Variants in SORCS3 observed in about 807,000 individuals in gnomAD.
SORCS3 encodes VPS10 domain-containing receptor SorCS3.
A neutral mutation model predicts 146.3 loss-of-function variants in SORCS3; 57 were observed. That is an observed-to-expected ratio of 0.39 (90% CI 0.31 to 0.49). The LOEUF is 0.49. SORCS3 is among the 20% of genes least tolerant of loss of function. The pLI is 0.92. For missense variants in SORCS3, 1,341 were observed against 1,575.5 expected (o/e 0.85, Z 2.52); for synonymous variants, 653 against 618.5 (o/e 1.06, Z -0.83).
chr10:104,974,316 T>A (rs1221526360), intron 3 of SORCS3, among the ~76,000 whole-genome samples: 18 of 152,236 alleles, frequency 1.2e-4, no homozygotes, highest in Admixed American at 4.6e-4. Flanking sequence ...CCCATTATTA[T>A]TGTGTGGGAG....
chr10:104,693,506 G>A (rs1449235904), intron 1 of SORCS3, among the ~76,000 whole-genome samples: 1 of 152,136 alleles, frequency 6.6e-6, no homozygotes, highest in East Asian at 1.9e-4. Flanking sequence ...CTTTCATTCT[G>A]ACTTTTCCTG....
chr10:104,802,059 G>A (rs988320552), intron 1 of SORCS3, among the ~76,000 whole-genome samples: 34 of 152,084 alleles, frequency 2.2e-4, no homozygotes, highest in African/African-American at 7.7e-4. Flanking sequence ...ATTTTGGTGA[G>A]TCATTCTTCT....
At chr10:104,731,339 G>A (rs189921355) in intron 1 of SORCS3, among the ~76,000 whole-genome samples, 84 of 152,286 alleles carry the variant, frequency 5.5e-4, no homozygotes, top group Admixed American at 2.4e-3. Flanking sequence ...ATCCCAGCCC[G>A]AGGCAGAGAT....
chr10:105,262,684 A>C (rs2056969368), intron 26 of SORCS3, among the ~76,000 whole-genome samples, 193 bp downstream of exon 26: 1 of 152,218 alleles, frequency 6.6e-6, no homozygotes, highest in African/African-American at 2.4e-5. Flanking sequence ...CTTAGAAGTT[A>C]ATCAGGATTG....
chr10:104,870,808 C>A (rs1001736605), intron 2 of SORCS3, among the ~76,000 whole-genome samples: 4 of 152,346 alleles, frequency 2.6e-5, no homozygotes, highest in Middle Eastern at 3.4e-3. Flanking sequence ...TCTTATCCTA[C>A]TACCTGACTT....
chr10:104,728,021 TTCTATCTATCTATCTATCTATCTA>T (rs56299885), intron 1 of SORCS3, among the ~76,000 whole-genome samples: 7 of 146,598 alleles, frequency 4.8e-5, no homozygotes, highest in Non-Finnish European at 7.5e-5. Flanking sequence ...TATATAACAG[TTCTATCTATCTATCTATCTATCTA>T]TCTATCTATC....
In SORCS3 at chr10:105,110,210, TA is replaced by T. The variant is rs1231632909; in HGVS notation, c.1212+4696del. 2.3e-3 allele frequency among the ~76,000 whole-genome samples: 344 copies of T among 152,162 alleles called. 1 individual carries two copies. The highest frequency in any genetic ancestry group is 7.7e-3 in the African/African-American group (322 of 41,556). ...ACTTCTTTTCTGAGCTTTGCCAGTT[TA>T]TATTGTGTCTCTTTCTCTCGTATCA... is the stretch of plus-strand genomic sequence containing the variant. On this transcript the variant is annotated intron_variant, in intron 7 of 26. Transcript: ENST00000369701.
Position 105,129,966 on chromosome 10 carries a change from A to G in SORCS3, c.1213-9431A>G, listed in dbSNP as rs552931690. On this transcript the variant is annotated intron_variant, in intron 7 of 26. Coordinates refer to ENST00000369701, the MANE Select transcript of SORCS3 (RefSeq NM_014978.3). ...ACCTCTTGAAGCCTCCAGGTTGCAT[A>G]CATAAACTGCCACCATAGTCAGTCT... Among the ~76,000 whole-genome samples the G allele has an allele frequency of 7.2e-5, 11 of 152,240 alleles. No homozygotes were observed. The East Asian group carries it at 1.5e-3, about 21-fold the overall frequency.
intron 6 of SORCS3, among the ~76,000 whole-genome samples, chr10:105,100,673 T>G (rs997852894): frequency 6.6e-6 from 1 of 152,244 alleles, no homozygotes; most frequent in Non-Finnish European, 1.5e-5. Context: ...ATGATTTAAA[T>G]TCAGAATATG....
intron 6 of SORCS3, among the ~76,000 whole-genome samples, chr10:105,100,944 G>A (rs1056761630): frequency 2.0e-5 from 3 of 152,204 alleles, no homozygotes; most frequent in African/African-American, 7.2e-5. Flanking sequence ...CCGCTGAAAA[G>A]CCATGCTGCT....
intron 6 of SORCS3, 27 bp downstream of exon 6, chr10:105,089,866 C>G: frequency 6.3e-7 from 1 of 1,597,110 alleles, no homozygotes; most frequent in Non-Finnish European, 8.6e-7. Flanking sequence ...CCAGGCTAGG[C>G]CCAGGGAGAT....
intron 1 of SORCS3, among the ~76,000 whole-genome samples, chr10:104,827,220 T>C (rs960343738): frequency 1.3e-5 from 2 of 152,180 alleles, no homozygotes; most frequent in Non-Finnish European, 2.9e-5. Flanking sequence ...GTGAATCCTT[T>C]CCAGGCGGTT....
At chr10:105,248,283 G>T (rs865934910) in intron 22 of SORCS3, among the ~76,000 whole-genome samples, 1 of 152,156 alleles carries the variant, frequency 6.6e-6, no homozygotes, top group Non-Finnish European at 1.5e-5. Context: ...TATGATTCAC[G>T]CTATCCAGGG....
intron 4 of SORCS3, among the ~76,000 whole-genome samples, chr10:104,978,340 A>C (rs2054913099): frequency 1.3e-5 from 2 of 152,184 alleles, no homozygotes; most frequent in African/African-American, 4.8e-5. Context: ...ATTTTCTAAA[A>C]ATACATTAAA....
At chr10:104,921,499 C>G (rs1470152438) in intron 3 of SORCS3, among the ~76,000 whole-genome samples, 2 of 129,760 alleles carry the variant, frequency 1.5e-5, no homozygotes, top group African/African-American at 7.9e-5. Context: ...CTCTCTCTCT[C>G]TCTCTGTGTG....
intron 1 of SORCS3, among the ~76,000 whole-genome samples, chr10:104,814,037 C>T (rs1409594300): frequency 6.8e-6 from 1 of 147,018 alleles, no homozygotes; most frequent in East Asian, 2.0e-4. Flanking sequence ...AGTAGAAATT[C>T]GTATATGTTC....
chr10:104,918,048 A>G (rs1263562704), intron 3 of SORCS3, among the ~76,000 whole-genome samples: 2 of 151,922 alleles, frequency 1.3e-5, no homozygotes, highest in Admixed American at 6.6e-5. Flanking sequence ...TTTTTGAGGA[A>G]CTCCATACTG....
chr10:104,914,633 G>C (rs1341631871), intron 2 of SORCS3, among the ~76,000 whole-genome samples: 1 of 152,106 alleles, frequency 6.6e-6, no homozygotes, highest in East Asian at 1.9e-4. Context: ...GTGAGCACCT[G>C]TCTCTTAAAA....
intron 1 of SORCS3, among the ~76,000 whole-genome samples, chr10:104,668,950 C>CGGG (rs2015817815): frequency 6.6e-6 from 1 of 152,168 alleles, no homozygotes; most frequent in Non-Finnish European, 1.5e-5. Context: ...CCTCTGAGAG[C>CGGG]AAAGAGTTAT....
Sources: allele counts gnomAD v4.1 joint callset (sites outside exome capture counted in the v4.1 genomes callset), GRCh38; gene constraint gnomAD v4.1.1; transcripts MANE v1.5; gene names NCBI Gene and HGNC (gene_info 2026-07-23, HGNC 2026-07-21).